The following ANGPTL1 variants were observed in gnomAD, a reference collection of about 807,000 sequenced individuals.
ANGPTL1 encodes the protein angiopoietin-related protein 1.
Under a neutral mutation model 46.7 loss-of-function variants are expected in ANGPTL1, and 36 were observed. The observed-to-expected ratio is 0.77, with a 90% CI of 0.59 to 1.02. ANGPTL1 has a LOEUF of 1.02. ANGPTL1 is among the 50% of genes least tolerant of loss of function. The pLI, the probability that ANGPTL1 is intolerant of heterozygous loss-of-function variation, is 0.00. For synonymous variants in ANGPTL1, 221 were observed against 204.3 expected (o/e 1.08, Z -0.69); for missense variants, 571 against 594.7 (o/e 0.96, Z 0.41).
chr1:178,858,544 A>T (rs920893224), intron 3 of ANGPTL1, among the ~76,000 whole-genome samples: 1 of 152,110 alleles, frequency 6.6e-6, no homozygotes, highest in African/African-American at 2.4e-5. Flanking sequence ...AGTATCAACT[A>T]TTTTTTGCAA....
At chr1:178,854,143 A>G (rs573712982) in intron 3 of ANGPTL1, among the ~76,000 whole-genome samples, 2 of 152,204 alleles carry the variant, frequency 1.3e-5, no homozygotes, top group Non-Finnish European at 2.9e-5. Flanking sequence ...CTATCATTGG[A>G]CATTGAGGTT....
intron 3 of ANGPTL1, among the ~76,000 whole-genome samples, chr1:178,856,200 GAGATATATATATATATAT>G (rs1223795139): frequency 2.2e-4 from 9 of 40,942 alleles, no homozygotes; most frequent in African/African-American, 7.5e-4. Flanking sequence ...CAGAGAGAGA[GAGATATATATATATATAT>G]ATATATATAT....
At chr1:178,861,777 G>A (rs1658030572) in intron 3 of ANGPTL1, among the ~76,000 whole-genome samples, 1 of 152,048 alleles carries the variant, frequency 6.6e-6, no homozygotes, top group Non-Finnish European at 1.5e-5. Context: ...GATATCAAAA[G>A]CAATTTTTTT....
chr1:178,865,708 A>G lies in ANGPTL1; in HGVS notation c.69T>C (p.Gly23=), dbSNP rs953959557. ...FLLVDTGHCR[G]GQFKIKKINQ... ...TTATTTTTTTAATTTTGAATTGTCC[A>G]CCTCTGCAATGTCCAGTGTCCACTA... The change falls in exon 3 of 6, where the codon GGT becomes GGC. Residue 23 remains glycine, a synonymous_variant. Transcript: ENST00000234816. The G allele has an allele frequency of 1.9e-6, 3 of 1,613,546 alleles. No homozygotes were observed. Among genetic ancestry groups the G allele is most frequent in the South Asian group, 1.1e-5 (1 of 91,054 alleles).
chr1:178,851,286 C>T lies in ANGPTL1; in HGVS notation c.1319G>A (p.Trp440Ter). The change falls in exon 6 of 6, where the codon TGG becomes TAG. Residue 440 changes from tryptophan (W) to a stop codon, truncating the protein, a stop_gained. Coordinates refer to ENST00000234816, the MANE Select transcript of ANGPTL1 (RefSeq NM_004673.4). LOFTEE classifies it high-confidence loss of function. ...GNCAHFHKGG[W>*]WYNACAHSNL... ...AGAATGTGCACAGGCATTGTACCAC[C>T]AGCCTCCTTTATGAAAGTGGGCGCA... 1 of 1,611,424 alleles carries T rather than the reference C, an allele frequency of 6.2e-7. No homozygotes were observed. Among genetic ancestry groups the T allele is most frequent in the Non-Finnish European group, 8.5e-7 (1 of 1,179,194 alleles).
chr1:178,860,643 C>CTATGAATT (rs1293017738), intron 3 of ANGPTL1, among the ~76,000 whole-genome samples: 1 of 152,204 alleles, frequency 6.6e-6, no homozygotes, highest in Non-Finnish European at 1.5e-5. Flanking sequence ...TACTTTCTGT[C>CTATGAATT]TATGAATTTG....
At chr1:178,860,436 T>C (rs1657923855) in intron 3 of ANGPTL1, among the ~76,000 whole-genome samples, 1 of 152,214 alleles carries the variant, frequency 6.6e-6, no homozygotes, top group Non-Finnish European at 1.5e-5. Flanking sequence ...ATAACATCTT[T>C]TATAAAATGT....
chr1:178,861,125 G>A (rs1419821394), intron 3 of ANGPTL1, among the ~76,000 whole-genome samples: 1 of 152,092 alleles, frequency 6.6e-6, no homozygotes, highest in African/African-American at 2.4e-5. Flanking sequence ...AACAAAGGTA[G>A]TGGTAGAACC....
intron 4 of ANGPTL1, 61 bp from the exon 5 acceptor site, chr1:178,853,014 C>A: frequency 6.5e-7 from 1 of 1,537,488 alleles, no homozygotes. Flanking sequence ...AACATTTTTA[C>A]AGAGCAGTGT....
chr1:178,866,076 G>A (rs1006799641), intron 2 of ANGPTL1, among the ~76,000 whole-genome samples: 5 of 152,072 alleles, frequency 3.3e-5, no homozygotes, highest in South Asian at 2.1e-4. Context: ...GCAGATTTTG[G>A]TCAGTGTCTA....
intron 3 of ANGPTL1, 84 bp from the exon 4 acceptor site, chr1:178,853,871 T>C: frequency 8.9e-7 from 1 of 1,121,274 alleles, no homozygotes; most frequent in Non-Finnish European, 1.2e-6. Flanking sequence ...TTTTTACCTT[T>C]GTGTCTTTGT....
intron 3 of ANGPTL1, among the ~76,000 whole-genome samples, chr1:178,856,975 T>C (rs963732203): frequency 1.3e-5 from 2 of 152,180 alleles, no homozygotes; most frequent in African/African-American, 4.8e-5. Flanking sequence ...GTATAACCTC[T>C]CTGTTTTGCT....
intron 3 of ANGPTL1, among the ~76,000 whole-genome samples, chr1:178,860,750 C>T (rs549299194): frequency 2.6e-5 from 4 of 152,216 alleles, no homozygotes; most frequent in Admixed American, 6.5e-5. Flanking sequence ...TGTATATTTT[C>T]ACCTTATGCA....
chr1:178,869,216 A>T lies in ANGPTL1; in HGVS notation c.-129T>A, dbSNP rs571869523. ...TAGCTTTTCTCTTCATAGTTGCTATATTGCCAGCTAGTAGAGAGAAGAAAC... is the reference window on the plus strand; with the variant it reads ...TAGCTTTTCTCTTCATAGTTGCTATTTTGCCAGCTAGTAGAGAGAAGAAAC... On this transcript the variant is annotated 5_prime_UTR_variant, in exon 2 of 6. Coordinates refer to ENST00000234816, the MANE Select transcript of ANGPTL1 (RefSeq NM_004673.4). The T allele has an allele frequency of 2.0e-5, 3 of 152,198 alleles. No homozygotes were observed. The highest frequency in any genetic ancestry group is 4.4e-5 in the Non-Finnish European group (3 of 67,928). 9.4% of individuals were successfully genotyped at this position (152,198 alleles called of 1,614,324 possible).
chr1:178,856,196 G>GATAGAT (rs1449088390), intron 3 of ANGPTL1, among the ~76,000 whole-genome samples: 8 of 41,054 alleles, frequency 1.9e-4, no homozygotes, highest in African/African-American at 7.2e-4. Flanking sequence ...TTTCCAGAGA[G>GATAGAT]AGAGAGATAT....
Position 178,865,759 on chromosome 1 carries a change from C to T in ANGPTL1, c.18G>A (p.Trp6Ter). The change falls in exon 3 of 6, where the codon TGG becomes TGA. Residue 6 changes from tryptophan to a stop codon, truncating the protein, a stop_gained. Transcript: ENST00000234816. LOFTEE classifies it high-confidence loss of function. MKTFT[W>*]TLGVLFFLLV... is the part of the protein sequence containing the mutation. Reference sequence around the variant, plus strand: ...GTAGGAAGAATAGCACACCTAGGGTCCAGGTAAAAGTCTTCATTTTGAAAT... The same window carrying T: ...GTAGGAAGAATAGCACACCTAGGGTTCAGGTAAAAGTCTTCATTTTGAAAT... 6.2e-7 allele frequency: 1 copy of T among 1,600,160 alleles called. No individual in the cohort carries two copies. Among genetic ancestry groups the T allele is most frequent in the South Asian group, 1.1e-5 (1 of 88,976 alleles).
In ANGPTL1 at chr1:178,865,518, T is replaced by G. The variant is rs754436751; in HGVS notation, c.259A>C (p.Asn87His). ...TGCCTGGAGAGCACATCCTTCAGGT[T>G]TTCAAGGTCCATCCTGGTGATCATG... ...KDMITRMDLE[N>H]LKDVLSRQKR... The change falls in exon 3 of 6, where the codon AAC (asparagine) becomes CAC (histidine). Residue 87 changes from asparagine (N) to histidine (H), a missense_variant. By Grantham distance (68) the Asn-to-His change is moderately conservative (BLOSUM62 1). Coordinates refer to ENST00000234816, the MANE Select transcript of ANGPTL1 (RefSeq NM_004673.4). 23 of 1,614,002 alleles carry G rather than the reference T, an allele frequency of 1.4e-5. No individual in the cohort carries two copies. Among genetic ancestry groups the G allele is most frequent in the Middle Eastern group, 3.3e-4 (2 of 6,084 alleles).
At chr1:178,860,124 A>G (rs931215470) in intron 3 of ANGPTL1, among the ~76,000 whole-genome samples, 5 of 152,070 alleles carry the variant, frequency 3.3e-5, no homozygotes, top group Non-Finnish European at 7.4e-5. Context: ...AACTTTCTCC[A>G]CTCAGCTCTC....
Position 178,851,084 on chromosome 1 carries a change from A to G in ANGPTL1, c.*45T>C. ...GTAACATTTACATTTTTAAGAGCTG[A>G]AAAGTACAAAGTTCTGTGTCATTTA... On this transcript the variant is annotated 3_prime_UTR_variant, in exon 6 of 6. Transcript: ENST00000234816. 2 of 1,525,132 alleles carry G rather than the reference A, an allele frequency of 1.3e-6. No individual in the cohort carries two copies. The highest frequency in any genetic ancestry group is 1.8e-6 in the Non-Finnish European group (2 of 1,132,760). The allele number at this position is 1,525,132 out of a possible 1,614,324, so 94.5% of individuals were successfully genotyped here. A position where few individuals can be genotyped will look rare whatever the true frequency, so the allele number is the denominator to read the frequency against.
Sources: allele counts gnomAD v4.1 joint callset (sites outside exome capture counted in the v4.1 genomes callset), GRCh38; gene constraint gnomAD v4.1.1; transcripts MANE v1.5; gene names NCBI Gene and HGNC (gene_info 2026-07-23, HGNC 2026-07-21).